The following BORA variants were observed in gnomAD, a reference collection of about 807,000 sequenced individuals.
The protein encoded by BORA is protein aurora borealis.
BORA carries 26 observed loss-of-function variants against 55.8 expected under a neutral mutation model. That is an observed-to-expected ratio of 0.47 (90% CI 0.34 to 0.65). The LOEUF (loss-of-function observed/expected upper bound fraction) is 0.65. Ranked by LOEUF, BORA falls within the 30% of genes least tolerant of loss-of-function variation. The pLI, the probability that BORA is intolerant of heterozygous loss-of-function variation, is 0.01. For missense variants in BORA, 568 were observed against 671.5 expected (o/e 0.85, Z 1.70); for synonymous variants, 201 against 216.9 (o/e 0.93, Z 0.64).
intron 6 of BORA, among the ~76,000 whole-genome samples, chr13:72,744,037 T>A (rs1328023931): frequency 6.6e-6 from 1 of 152,136 alleles, no homozygotes; most frequent in African/African-American, 2.4e-5. Flanking sequence ...AAGCCTGGCC[T>A]GTTTGGATTT....
chr13:72,745,258 C>T, intron 8 of BORA, 51 bp downstream of exon 8: 10 of 1,474,738 alleles, frequency 6.8e-6, no homozygotes, highest in Non-Finnish European at 9.4e-6. Context: ...AAGCTTGAAC[C>T]CACATTTTGT....
intron 5 of BORA, among the ~76,000 whole-genome samples, chr13:72,739,796 C>G (rs577634023): frequency 2.0e-5 from 3 of 152,246 alleles, no homozygotes; most frequent in African/African-American, 7.2e-5. Flanking sequence ...TTATTACTTA[C>G]AAGTCCTAGG....
At chr13:72,734,814 A>G (rs1382170277) in intron 3 of BORA, 146 bp from the exon 4 acceptor site, 3 of 563,080 alleles carry the variant, frequency 5.3e-6, no homozygotes, top group Admixed American at 3.6e-5. Flanking sequence ...AAATGTTACA[A>G]GATACCACTA....
rs2032963417 is a variant in BORA, at chr13:72,737,980, A to G, written c.325A>G (p.Ile109Val). Residue 109 changes from isoleucine to valine, a missense_variant, in exon 5 of 12, where the codon ATC becomes GTC. By Grantham distance (29) the Ile-to-Val change is conservative. Transcript: ENST00000390667. Reference sequence around the variant, plus strand: ...TTCCTAGTTTTTCACTAAAGATGTCATCGTACCCTCTCCTTGGACTGATCA... The same window carrying G: ...TTCCTAGTTTTTCACTAAAGATGTCGTCGTACCCTCTCCTTGGACTGATCA... ...AIEEFFTKDV[I>V]VPSPWTDHEG... 6.3e-7 allele frequency: 1 copy of G among 1,596,300 alleles called. No homozygotes were observed. The highest frequency in any genetic ancestry group is 8.6e-7 in the Non-Finnish European group (1 of 1,169,242).
At position 72,745,138 on chromosome 13, in the gene BORA, A is replaced by G. The variant is rs767828760; in HGVS notation, c.669A>G (p.Ser223=). 6.2e-7 allele frequency: 1 copy of G among 1,614,078 alleles called. No homozygotes were observed. Among genetic ancestry groups the G allele is most frequent in the South Asian group, 1.1e-5 (1 of 91,090 alleles). ...PGSPHSGVQT[S]LEMFYSIDLS... ...GTCCTCACAGTGGTGTTCAAACATCACTAGAGATGTTTTATTCAATAGATT... is the reference window on the plus strand; with the variant it reads ...GTCCTCACAGTGGTGTTCAAACATCGCTAGAGATGTTTTATTCAATAGATT... Residue 223 remains serine, a synonymous_variant, in exon 8 of 12, where the codon TCA becomes TCG. Coordinates refer to ENST00000390667, the MANE Select transcript of BORA (RefSeq NM_024808.5).
At chr13:72,739,666 T>C (rs1380383435) in intron 5 of BORA, among the ~76,000 whole-genome samples, 1 of 152,180 alleles carries the variant, frequency 6.6e-6, no homozygotes, top group South Asian at 2.1e-4. Flanking sequence ...TGGGGTTCCT[T>C]AGCTATGGTG....
chr13:72,753,779 A>G lies in BORA; in HGVS notation c.1572A>G (p.Gln524=), dbSNP rs2033349579. Residue 524 remains glutamine, a synonymous_variant, in exon 11 of 12, where the codon CAA becomes CAG. Coordinates refer to ENST00000390667, the MANE Select transcript of BORA (RefSeq NM_024808.5). Reference sequence around the variant, plus strand: ...GTTACTGCAAAGAAAGTGATGCACAAACATGTGAAGTTGAGAGTAAATCTC... The same window carrying G: ...GTTACTGCAAAGAAAGTGATGCACAGACATGTGAAGTTGAGAGTAAATCTC... ...AESYCKESDA[Q]TCEVESKSQA... 1 of 1,613,570 alleles carries G rather than the reference A, an allele frequency of 6.2e-7. No homozygotes were observed. The highest frequency in any genetic ancestry group is 1.3e-5 in the African/African-American group (1 of 75,030).
chr13:72,741,966 A>C lies in BORA; in HGVS notation c.389-1571A>C, dbSNP rs192423200. Among the ~76,000 whole-genome samples, 7 of 152,280 alleles carry C rather than the reference A, an allele frequency of 4.6e-5. No homozygotes were observed. The East Asian group carries it at 1.4e-3, about 29-fold the overall frequency. On this transcript the variant is annotated intron_variant, in intron 5 of 11. Coordinates refer to ENST00000390667, the MANE Select transcript of BORA (RefSeq NM_024808.5). ...GCTAGAGAAATAGACATGGTTTTGA[A>C]AGGCTTTGTAAGCCATTGAGGTGTT...
At chr13:72,750,383 T>G (rs2033242929) in intron 10 of BORA, among the ~76,000 whole-genome samples, 1 of 151,936 alleles carries the variant, frequency 6.6e-6, no homozygotes, top group Non-Finnish European at 1.5e-5. Context: ...TGTAGATAAC[T>G]CTGGAGTTTA....
At chr13:72,744,123 A>G (rs1157242485) in intron 6 of BORA, among the ~76,000 whole-genome samples, 5 of 152,194 alleles carry the variant, frequency 3.3e-5, no homozygotes, top group African/African-American at 4.8e-5. Context: ...GCATCCAGCC[A>G]TGTTTTAGAA....
intron 11 of BORA, 178 bp from the exon 12 acceptor site, chr13:72,754,973 C>G: frequency 1.8e-6 from 1 of 551,196 alleles, no homozygotes; most frequent in Non-Finnish European, 3.2e-6. Flanking sequence ...CTTGGCCTCT[C>G]AAAGTGTTGG....
At chr13:72,740,647 T>C (rs2033016609) in intron 5 of BORA, among the ~76,000 whole-genome samples, 1 of 152,222 alleles carries the variant, frequency 6.6e-6, no homozygotes, top group Admixed American at 6.5e-5. Flanking sequence ...AAGCCTTTAC[T>C]GACCACACAA....
chr13:72,754,072 G>A (rs970315729), intron 11 of BORA: 12 of 334,086 alleles, frequency 3.6e-5, no homozygotes, highest in African/African-American at 6.4e-5. Flanking sequence ...TCCAGGTGGT[G>A]GTTATATATT....
chr13:72,751,899 A>C (rs2033285934), intron 10 of BORA, among the ~76,000 whole-genome samples: 1 of 152,204 alleles, frequency 6.6e-6, no homozygotes, highest in Non-Finnish European at 1.5e-5. Context: ...AAACATAAGT[A>C]GTAATGGAAG....
At position 72,745,963 on chromosome 13, in the gene BORA, C is replaced by T; in HGVS notation, c.758C>T (p.Pro253Leu). Residue 253 changes from proline to leucine, a missense_variant, in exon 9 of 12, where the codon CCT (proline) becomes CTT (leucine). Transcript: ENST00000390667. ...TTACAGGGGCAGTTTTCTTCTAGCC[C>T]TATTCAGGCTAGTGCAAAAAAATAC... The part of the protein sequence containing the change: ...TPSSGQFSSS[P>L]IQASAKKYSL... 1.2e-6 allele frequency: 2 copies of T among 1,610,352 alleles called. No homozygotes were observed. The highest frequency in any genetic ancestry group is 1.7e-6 in the Non-Finnish European group (2 of 1,178,184).
At position 72,746,798 on chromosome 13, in the gene BORA, A is replaced by G. The variant is rs754206782; in HGVS notation, c.1169A>G (p.Asn390Ser). 8.7e-6 allele frequency: 14 copies of G among 1,614,164 alleles called. No individual in the cohort carries two copies. Among genetic ancestry groups the G allele is most frequent in the Non-Finnish European group, 1.2e-5 (14 of 1,180,008 alleles). Residue 390 changes from asparagine to serine, a missense_variant, in exon 10 of 12, where the codon AAT (asparagine) becomes AGT (serine). Physicochemically the swap from Asn to Ser is conservative, Grantham distance 46. Coordinates refer to ENST00000390667, the MANE Select transcript of BORA (RefSeq NM_024808.5). ...AAGIHLRQFS[N>S]EASTHGTHLV... Reference sequence around the variant, plus strand: ...GGAATACACCTACGGCAGTTTAGTAATGAGGCTTCTACCCATGGTACACAT... The same window carrying G: ...GGAATACACCTACGGCAGTTTAGTAGTGAGGCTTCTACCCATGGTACACAT...
chr13:72,731,659 T>G (rs2032819628), intron 3 of BORA, among the ~76,000 whole-genome samples: 1 of 131,628 alleles, frequency 7.6e-6, no homozygotes, highest in African/African-American at 2.5e-5. Flanking sequence ...TAGCACTCAG[T>G]TAAGAGAAGA....
chr13:72,728,876 A>G (rs533757978), intron 1 of BORA, 50 bp from the exon 2 acceptor site: 76 of 1,434,318 alleles, frequency 5.3e-5, no homozygotes, highest in Non-Finnish European at 6.4e-5. Flanking sequence ...TAAAATTAAT[A>G]TCTATGGGAC....
Position 72,729,016 on chromosome 13 carries a change from G to A in BORA, c.76G>A (p.Glu26Lys), listed in dbSNP as rs780158650. 1.4e-5 allele frequency: 23 copies of A among 1,608,752 alleles called. No homozygotes were observed. The highest frequency in any genetic ancestry group is 1.7e-6 in the Non-Finnish European group (2 of 1,178,248). The change falls in exon 2 of 12, where the codon GAA becomes AAA. Residue 26 changes from glutamate (E) to lysine (K), a missense_variant. Physicochemically the swap from Glu to Lys is moderately conservative, Grantham distance 56. Transcript: ENST00000390667. The stretch of plus-strand genomic sequence containing the variant: ...AAGGATCCCTGTTTTAAATCCTTTT[G>A]AAAGTCCTAGTGATTATTCTAATCT... The part of the protein sequence containing the change: ...PGRIPVLNPF[E>K]SPSDYSNLHE...
Sources: gnomAD v4.1 joint callset for allele counts (sites outside exome capture counted in the v4.1 genomes callset) on GRCh38, gnomAD v4.1.1 for gene constraint, MANE v1.5 for transcripts, NCBI Gene and HGNC (gene_info 2026-07-23, HGNC 2026-07-21) for gene names.